GALNT10: variants seen among roughly 807,000 people sequenced by gnomAD.
GALNT10 encodes the protein GalNAc transferase 10.
A neutral mutation model predicts 75.0 loss-of-function variants in GALNT10; 41 were observed. That is an observed-to-expected ratio of 0.55 (90% CI 0.43 to 0.71). The LOEUF (loss-of-function observed/expected upper bound fraction) is 0.71, where lower values mean the gene tolerates loss of function less well. GALNT10 is among the 30% of genes least tolerant of loss of function. The pLI, the probability that GALNT10 is intolerant of heterozygous loss-of-function variation, is 0.00. For missense variants in GALNT10, 727 were observed against 818.5 expected, an observed-to-expected ratio of 0.89 and a Z score of 1.36; for synonymous variants, 302 against 313.0, an observed-to-expected ratio of 0.96 and a Z score of 0.37.
chr5:154,403,888 C>CAT, intron 7 of GALNT10: 1 of 626,604 alleles, frequency 1.6e-6, no homozygotes, highest in Non-Finnish European at 2.9e-6. Flanking sequence ...ACCATCTTAG[C>CAT]ATAGTGTGTG....
chr5:154,316,431 G>T (rs918566381), intron 3 of GALNT10, among the ~76,000 whole-genome samples: 1 of 152,186 alleles, frequency 6.6e-6, no homozygotes, highest in African/African-American at 2.4e-5. Flanking sequence ...GTTCAACTCA[G>T]CAACTATTCA....
Position 154,405,460 on chromosome 5 carries a change from G to T in GALNT10, c.1164+1249G>T, listed in dbSNP as rs553699644. 5.3e-5 allele frequency among the ~76,000 whole-genome samples: 8 copies of T among 152,206 alleles called. No homozygotes were observed. In the South Asian group the frequency reaches 6.2e-4, roughly 12 times the overall value. Reference sequence around the variant, plus strand: ...ACAGCCCCATCCGACACGGGCGGGGGGTAGGTTCTAGGTTCAGTCCCTTGA... The same window carrying T: ...ACAGCCCCATCCGACACGGGCGGGGTGTAGGTTCTAGGTTCAGTCCCTTGA... On this transcript the variant is annotated intron_variant, in intron 8 of 11. Transcript: ENST00000297107.
intron 4 of GALNT10, among the ~76,000 whole-genome samples, chr5:154,341,694 G>A (rs751449623): frequency 2.6e-5 from 4 of 152,136 alleles, no homozygotes; most frequent in South Asian, 2.1e-4. Flanking sequence ...CAGCATTCAC[G>A]TTCTGTTGCC....
chr5:154,390,533 ATCC>A (rs1755878794), intron 7 of GALNT10, among the ~76,000 whole-genome samples: 1 of 152,212 alleles, frequency 6.6e-6, no homozygotes, highest in Admixed American at 6.5e-5. Context: ...TTGGTCTATA[ATCC>A]TCAAGAAGAC....
chr5:154,346,130 T>TCGTGTGTG (rs551502457), intron 4 of GALNT10, among the ~76,000 whole-genome samples: 3,134 of 105,132 alleles, frequency 0.03, 111 homozygotes, highest in African/African-American at 0.093. Flanking sequence ...TGAATAATAT[T>TCGTGTGTG]CGTGTGTGCG....
intron 1 of GALNT10, among the ~76,000 whole-genome samples, chr5:154,215,209 G>A (rs981737118): frequency 2.0e-5 from 3 of 152,342 alleles, no homozygotes; most frequent in Admixed American, 1.3e-4. Flanking sequence ...TAGCCTGGGC[G>A]CAGTGGCTCA....
chr5:154,314,456 C>T (rs879693370), intron 3 of GALNT10, among the ~76,000 whole-genome samples: 12 of 152,176 alleles, frequency 7.9e-5, no homozygotes, highest in African/African-American at 2.4e-4. Context: ...TCAGTTTCCT[C>T]ATCTTTAAAC....
intron 1 of GALNT10, among the ~76,000 whole-genome samples, chr5:154,284,068 A>G (rs1754080161): frequency 6.6e-6 from 1 of 152,270 alleles, no homozygotes; most frequent in South Asian, 2.1e-4. Context: ...TTTGTAAATT[A>G]TAAAATACTA....
intron 4 of GALNT10, among the ~76,000 whole-genome samples, chr5:154,356,848 A>G (rs1172632784): frequency 6.6e-6 from 1 of 152,230 alleles, no homozygotes; most frequent in Non-Finnish European, 1.5e-5. Context: ...GGGACCCGTT[A>G]TCATGCCTTA....
intron 2 of GALNT10, among the ~76,000 whole-genome samples, chr5:154,296,607 T>G (rs780382288): frequency 5.3e-5 from 8 of 152,130 alleles, no homozygotes; most frequent in Non-Finnish European, 1.2e-4. Context: ...ACATTGAACC[T>G]TCTCATTCTA....
At chr5:154,258,386 CT>C (rs1401241738) in intron 1 of GALNT10, among the ~76,000 whole-genome samples, 1 of 152,256 alleles carries the variant, frequency 6.6e-6, no homozygotes, top group East Asian at 1.9e-4. Context: ...GATAGTCAAA[CT>C]TTTTTAAATG....
chr5:154,418,858 C>G lies in GALNT10; in HGVS notation c.*1886C>G, dbSNP rs2113234330. 1 of 152,494 alleles carries G rather than the reference C, an allele frequency of 6.6e-6. No individual in the cohort carries two copies. Among genetic ancestry groups the G allele is most frequent in the Admixed American group, 6.5e-5 (1 of 15,284 alleles). 9.4% of individuals were successfully genotyped at this position (152,494 alleles called of 1,614,324 possible). A position where few individuals can be genotyped will look rare whatever the true frequency, so the allele number is the denominator to read the frequency against. ...GTGCTGTAGCTTTAGAAGTGGCCCTCTATAGAAAGAAGTCAAAAGATGAGG... is the reference window on the plus strand; with the variant it reads ...GTGCTGTAGCTTTAGAAGTGGCCCTGTATAGAAAGAAGTCAAAAGATGAGG... On this transcript the variant is annotated 3_prime_UTR_variant, in exon 12 of 12. Coordinates refer to ENST00000297107, the MANE Select transcript of GALNT10 (RefSeq NM_198321.4).
chr5:154,405,609 G>A (rs1254153895), intron 8 of GALNT10, among the ~76,000 whole-genome samples: 1 of 152,052 alleles, frequency 6.6e-6, no homozygotes, highest in Non-Finnish European at 1.5e-5. Flanking sequence ...GGGACCATGG[G>A]GACACTCCAA....
intron 1 of GALNT10, among the ~76,000 whole-genome samples, chr5:154,283,926 C>T (rs919112093): frequency 6.6e-6 from 1 of 152,192 alleles, no homozygotes; most frequent in Non-Finnish European, 1.5e-5. Context: ...GTAAGCGCTG[C>T]TTGGAGCACA....
intron 1 of GALNT10, among the ~76,000 whole-genome samples, chr5:154,213,009 A>G (rs1345166825): frequency 1.3e-5 from 2 of 151,524 alleles, no homozygotes; most frequent in African/African-American, 2.4e-5. Context: ...AGTCAGACCT[A>G]TGGGTTTAAA....
intron 1 of GALNT10, among the ~76,000 whole-genome samples, chr5:154,263,038 C>T (rs1753724054): frequency 1.3e-5 from 2 of 152,170 alleles, no homozygotes; most frequent in Admixed American, 1.3e-4. Flanking sequence ...AACCCTCAGA[C>T]ATTGCTGGTG....
At chr5:154,308,826 C>A (rs1384830234) in intron 3 of GALNT10, among the ~76,000 whole-genome samples, 2 of 152,176 alleles carry the variant, frequency 1.3e-5, no homozygotes, top group Non-Finnish European at 2.9e-5. Context: ...TTAAAACTGT[C>A]TCTGAAAGCC....
At chr5:154,260,502 G>A (rs1228960738) in intron 1 of GALNT10, among the ~76,000 whole-genome samples, 3 of 152,142 alleles carry the variant, frequency 2.0e-5, no homozygotes, top group South Asian at 4.1e-4. Flanking sequence ...TTAGTCTCCT[G>A]TCTCTTTTCC....
At chr5:154,234,467 G>T (rs1753215056) in intron 1 of GALNT10, among the ~76,000 whole-genome samples, 1 of 152,184 alleles carries the variant, frequency 6.6e-6, no homozygotes, top group African/African-American at 2.4e-5. Context: ...TACATAAATT[G>T]GGTACAAAAT....
Sources: gnomAD v4.1 joint callset for allele counts (sites outside exome capture counted in the v4.1 genomes callset) on GRCh38, gnomAD v4.1.1 for gene constraint, MANE v1.5 for transcripts, NCBI Gene and HGNC (gene_info 2026-07-23, HGNC 2026-07-21) for gene names.